The following TFIP11 variants were observed in gnomAD, a reference collection of about 807,000 sequenced individuals.
TFIP11 encodes the protein tuftelin-interacting protein 11.
Under a neutral mutation model 96.8 loss-of-function variants are expected in TFIP11, and 86 were observed. That is an observed-to-expected ratio of 0.89 (90% CI 0.75 to 1.06). The LOEUF (loss-of-function observed/expected upper bound fraction) is 1.06, where lower values mean the gene tolerates loss of function less well. Ranked by LOEUF, TFIP11 falls within the 50% of genes least tolerant of loss-of-function variation. The pLI is 0.00. For synonymous variants in TFIP11, 405 were observed against 395.2 expected (o/e 1.02, Z -0.29); for missense variants, 881 against 1,076.7 (o/e 0.82, Z 2.54).
chr22:26,494,877 C>T lies in TFIP11; in HGVS notation c.1912G>A (p.Val638Met), dbSNP rs1165381329. 6 of 1,614,112 alleles carry T rather than the reference C, an allele frequency of 3.7e-6. No homozygotes were observed. The highest frequency in any genetic ancestry group is 5.1e-6 in the Non-Finnish European group (6 of 1,180,054). The change falls in exon 13 of 15, where the codon GTG (valine) becomes ATG (methionine). Residue 638 changes from valine (V) to methionine (M), a missense_variant. Transcript: ENST00000407690. ...GAGATCATCCCTTCCCAGTCAATCA[C>T]CCAATAGAATGCATCCATGTGCTGC... is the stretch of plus-strand genomic sequence containing the variant. ...HQQHMDAFYW[V>M]IDWEGMISVS...
At chr22:26,494,485 C>CT in intron 13 of TFIP11, 181 bp from the exon 14 acceptor site, 1 of 774,468 alleles carries the variant, frequency 1.3e-6, no homozygotes, top group Non-Finnish European at 2.1e-6. Context: ...AGCCTGGTAG[C>CT]TAAAGTGCCC....
chr22:26,498,946 A>G lies in TFIP11; in HGVS notation c.1359T>C (p.Ser453=), dbSNP rs1922400807. The change falls in exon 10 of 15, where the codon TCT becomes TCC. Residue 453 remains serine, a synonymous_variant. Transcript: ENST00000407690. Reference sequence around the variant, plus strand: ...CATTCTCTAGGAGGCTTTTCCACTTAGAGATGATCTCGGTGCCATAAGTGC... The same window carrying G: ...CATTCTCTAGGAGGCTTTTCCACTTGGAGATGATCTCGGTGCCATAAGTGC... The part of the protein sequence containing the change: ...KDCTYGTEII[S]KWKSLLENDQ... 2 of 1,613,872 alleles carry G rather than the reference A, an allele frequency of 1.2e-6. No individual in the cohort carries two copies. The highest frequency in any genetic ancestry group is 1.7e-5 in the Admixed American group (1 of 59,986).
intron 4 of TFIP11, among the ~76,000 whole-genome samples, chr22:26,508,106 A>G (rs1308434977): frequency 2.0e-5 from 3 of 152,198 alleles, no homozygotes; most frequent in African/African-American, 7.2e-5. Context: ...ACTGTGTTTC[A>G]AAGAAAAAAA....
intron 6 of TFIP11, 78 bp downstream of exon 6, chr22:26,506,225 C>T (rs1344291068): frequency 8.3e-6 from 12 of 1,450,232 alleles, no homozygotes; most frequent in Non-Finnish European, 1.0e-5. Flanking sequence ...AAGGGAAAAG[C>T]AAACCTCCTC....
intron 14 of TFIP11, 127 bp downstream of exon 14, chr22:26,494,012 A>G: frequency 9.8e-7 from 1 of 1,021,856 alleles, no homozygotes; most frequent in Non-Finnish European, 1.4e-6. Context: ...GTCTGTTGCT[A>G]TGTGCAAAAG....
At chr22:26,506,197 G>A (rs1368178789) in intron 6 of TFIP11, 106 bp downstream of exon 6, 2 of 1,264,840 alleles carry the variant, frequency 1.6e-6, no homozygotes, top group African/African-American at 3.0e-5. Context: ...CCAGGCTGGA[G>A]AGATAAAGTG....
chr22:26,496,882 A>T lies in TFIP11; in HGVS notation c.1444T>A (p.Trp482Arg), dbSNP rs922917057. 5.9e-5 allele frequency: 96 copies of T among 1,613,824 alleles called. 1 individual carries two copies. The highest frequency in any genetic ancestry group is 7.5e-5 in the Non-Finnish European group (89 of 1,180,046). Residue 482 changes from tryptophan to arginine, a missense_variant, in exon 11 of 15, where the codon TGG becomes AGG. By Grantham distance (101) the Trp-to-Arg change is moderately radical (BLOSUM62 -3). Transcript: ENST00000407690. ...CGAACAAAAGGCATCCAGACTTCCC[A>T]TATCAACCTATGGGAGAAAGGCAGA... is the stretch of plus-strand genomic sequence containing the variant. ...LSADAFHRLI[W>R]EVWMPFVRNI...
chr22:26,494,365 A>G (rs1367895212), intron 13 of TFIP11, 61 bp from the exon 14 acceptor site: 2 of 1,602,562 alleles, frequency 1.2e-6, no homozygotes, highest in Non-Finnish European at 1.7e-6. Context: ...AGATTTCTGA[A>G]GTGGCCATTT....
In TFIP11 at chr22:26,496,254, C is replaced by A. The variant is rs1428554873; in HGVS notation, c.1668G>T (p.Leu556=). The change falls in exon 12 of 15, where the codon CTG becomes CTT. Residue 556 remains leucine, a synonymous_variant. Coordinates refer to ENST00000407690, the MANE Select transcript of TFIP11 (RefSeq NM_012143.4). The part of the protein sequence containing the change: ...VPIHSWIHPW[L]PLMQARLEPL... ...GCTCCAGCCGTGCCTGCATAAGGGGCAGCCATGGGTGGATCCAAGAGTGGA... is the reference window on the plus strand; with the variant it reads ...GCTCCAGCCGTGCCTGCATAAGGGGAAGCCATGGGTGGATCCAAGAGTGGA... 1 of 1,613,750 alleles carries A rather than the reference C, an allele frequency of 6.2e-7. No individual in the cohort carries two copies. The highest frequency in any genetic ancestry group is 1.1e-5 in the South Asian group (1 of 91,024).
rs1474027194 is a variant in TFIP11 at position 26,496,889 on chromosome 22, C to G, written c.1437G>C (p.Arg479Ser). 1 of 1,613,698 alleles carries G rather than the reference C, an allele frequency of 6.2e-7. No homozygotes were observed. Among genetic ancestry groups the G allele is most frequent in the African/African-American group, 1.3e-5 (1 of 74,918 alleles). Reference sequence around the variant, plus strand: ...AAGGCATCCAGACTTCCCATATCAACCTATGGGAGAAAGGCAGAGGACAGG... The same window carrying G: ...AAGGCATCCAGACTTCCCATATCAAGCTATGGGAGAAAGGCAGAGGACAGG... ...GQDLSADAFH[R>S]LIWEVWMPFV... The change falls in exon 11 of 15, where the codon AGG (arginine) becomes AGC (serine). Residue 479 changes from arginine to serine, a missense_variant and splice_region_variant. Transcript: ENST00000407690.
At chr22:26,500,916 C>G (rs2147135090) in intron 8 of TFIP11, among the ~76,000 whole-genome samples, 1 of 139,072 alleles carries the variant, frequency 7.2e-6, no homozygotes, top group South Asian at 2.3e-4. Context: ...CGGAGTCTCG[C>G]TCTGTCCCCC....
chr22:26,501,147 C>G (rs888781807), intron 8 of TFIP11, among the ~76,000 whole-genome samples: 2 of 152,158 alleles, frequency 1.3e-5, no homozygotes, highest in Non-Finnish European at 2.9e-5. Context: ...TCCCAAAGTG[C>G]TGGGATTACA....
chr22:26,496,007 C>T, intron 12 of TFIP11, 66 bp downstream of exon 12: 2 of 1,576,834 alleles, frequency 1.3e-6, no homozygotes, highest in Non-Finnish European at 1.7e-6. Flanking sequence ...TAAATCATCA[C>T]TGCTAACCAC....
In TFIP11 at chr22:26,499,463, G is replaced by C; in HGVS notation, c.970C>G (p.Leu324Val). ...TCCGTGAGGTCGATGAGCAGCTGCA[G>C]GTTGTGCTCCAGCTCGGGCAGCGCG... ...GFALPELEHN[L>V]QLLIDLTEQE... Residue 324 changes from leucine to valine, a missense_variant, in exon 9 of 15, where the codon CTG (leucine) becomes GTG (valine). Physicochemically the swap from Leu to Val is conservative, Grantham distance 32. Transcript: ENST00000407690. The C allele has an allele frequency of 6.2e-7, 1 of 1,614,210 alleles. No individual in the cohort carries two copies. The highest frequency in any genetic ancestry group is 8.5e-7 in the Non-Finnish European group (1 of 1,180,052).
At chr22:26,497,629 G>A (rs910907535) in intron 10 of TFIP11, among the ~76,000 whole-genome samples, 3 of 152,226 alleles carry the variant, frequency 2.0e-5, no homozygotes, top group Non-Finnish European at 2.9e-5. Flanking sequence ...TGTAATTCCA[G>A]CACTCTGGGA....
At chr22:26,496,916 T>TG in intron 10 of TFIP11, 27 bp from the exon 11 acceptor site, 2 of 1,611,936 alleles carry the variant, frequency 1.2e-6, no homozygotes, top group Non-Finnish European at 8.5e-7. Flanking sequence ...GAGGACAGGC[T>TG]GGTTAATTAC....
Position 26,501,897 on chromosome 22 carries a change from T to C in TFIP11, c.801+3A>G, listed in dbSNP as rs774912305. 3 of 1,610,964 alleles carry C rather than the reference T, an allele frequency of 1.9e-6. No homozygotes were observed. Among genetic ancestry groups the C allele is most frequent in the East Asian group, 4.5e-5 (2 of 44,710 alleles). On this transcript the variant is annotated splice_donor_region_variant and intron_variant, in intron 8 of 14. Transcript: ENST00000407690. ...TGTACCAGGTGTCCAAGGGCCCCTGTACCTTGACTTGAGAAAGTTCCTTCT... is the reference window on the plus strand; with the variant it reads ...TGTACCAGGTGTCCAAGGGCCCCTGCACCTTGACTTGAGAAAGTTCCTTCT...
intron 7 of TFIP11, 137 bp downstream of exon 7, chr22:26,503,529 C>T (rs745942085): frequency 2.8e-5 from 31 of 1,100,326 alleles, no homozygotes; most frequent in Non-Finnish European, 3.7e-5. Flanking sequence ...TCATGGTGCA[C>T]CTAGCCTTCA....
chr22:26,500,250 A>G (rs938682564), intron 8 of TFIP11, among the ~76,000 whole-genome samples: 2 of 152,122 alleles, frequency 1.3e-5, no homozygotes, highest in East Asian at 1.9e-4. Context: ...GCTCACTGCA[A>G]GCTCCGCCTC....
Sources: allele counts gnomAD v4.1 joint callset (sites outside exome capture counted in the v4.1 genomes callset), GRCh38; gene constraint gnomAD v4.1.1; transcripts MANE v1.5; gene names NCBI Gene and HGNC (gene_info 2026-07-23, HGNC 2026-07-21).